Variants in PLXNA1 observed in about 807,000 individuals in gnomAD.
PLXNA1 encodes plexin A1.
Under a neutral mutation model 191.7 loss-of-function variants are expected in PLXNA1, and 77 were observed. That is an observed-to-expected ratio of 0.40 (90% CI 0.33 to 0.49). The LOEUF is 0.49. Among genes scored for constraint, PLXNA1 ranks in the 20% least tolerant of loss-of-function variants. The pLI, the probability that PLXNA1 is intolerant of heterozygous loss-of-function variation, is 0.63. For synonymous variants in PLXNA1, 1,137 were observed against 1,156.4 expected, an observed-to-expected ratio of 0.98 and a Z score of 0.34; for missense variants, 2,110 against 2,660.2, an observed-to-expected ratio of 0.79 and a Z score of 4.55.
At chr3:127,008,720 G>A (rs55896419) in intron 9 of PLXNA1, among the ~76,000 whole-genome samples, 5,125 of 152,200 alleles carry the variant, frequency 0.034, 292 homozygotes, top group African/African-American at 0.11. Context: ...GGCTGCAGCT[G>A]GGCTGCACTT....
intron 20 of PLXNA1, 22 bp from the exon 21 acceptor site, chr3:127,020,180 C>T (rs748750959): frequency 6.2e-7 from 1 of 1,610,678 alleles, no homozygotes; most frequent in African/African-American, 1.3e-5. Context: ...CATGCTGCCC[C>T]TGACGCCGCA....
intron 7 of PLXNA1, among the ~76,000 whole-genome samples, chr3:127,005,559 C>T (rs1217024204): frequency 6.6e-6 from 1 of 152,224 alleles, no homozygotes; most frequent in African/African-American, 2.4e-5. Flanking sequence ...ACCTCCGCTA[C>T]CATAATTATT....
intron 1 of PLXNA1, among the ~76,000 whole-genome samples, chr3:126,987,088 G>A (rs1225309094): frequency 6.6e-6 from 1 of 152,240 alleles, no homozygotes; most frequent in African/African-American, 2.4e-5. Flanking sequence ...CAACCAAGGG[G>A]GTGGCACTGC....
chr3:127,005,039 G>A lies in PLXNA1; in HGVS notation c.1743+31G>A, dbSNP rs370070914. ...TGTGGCACCCCAGGTGGTAAGGGGT[G>A]GGGGACAGCCATGGGGACCCTGCTC... On this transcript the variant is annotated intron_variant, in intron 6 of 31. Transcript: ENST00000393409. The A allele has an allele frequency of 4.3e-6, 7 of 1,609,454 alleles. No individual in the cohort carries two copies. The African/African-American group carries it at 8.0e-5, about 18-fold the overall frequency.
chr3:127,028,529 G>A (rs2079188590), intron 25 of PLXNA1, among the ~76,000 whole-genome samples, 189 bp downstream of exon 25: 1 of 152,176 alleles, frequency 6.6e-6, no homozygotes, highest in Admixed American at 6.5e-5. Context: ...CCTGCTCTGG[G>A]CAGAGACTCT....
chr3:126,983,938 A>G (rs2078944610), intron 1 of PLXNA1, among the ~76,000 whole-genome samples: 1 of 152,092 alleles, frequency 6.6e-6, no homozygotes. Flanking sequence ...CACCGCTCCC[A>G]CTGGCCCGGA....
rs748424966 is a variant in PLXNA1 at position 127,004,615 on chromosome 3, C to T, written c.1523C>T (p.Thr508Met). The T allele has an allele frequency of 8.3e-6, 13 of 1,567,972 alleles. No homozygotes were observed. The highest frequency in any genetic ancestry group is 2.3e-5 in the East Asian group (1 of 42,728). Reference sequence around the variant, plus strand: ...CTGACACCTCCCCCACACCAGGTGACGCGGGTGCCTGTGGAGAGCTGTGTG... The same window carrying T: ...CTGACACCTCCCCCACACCAGGTGATGCGGGTGCCTGTGGAGAGCTGTGTG... ...YLYAMTEKQV[T>M]RVPVESCVQY... The change falls in exon 5 of 32, where the codon ACG becomes ATG. Residue 508 changes from threonine to methionine, a missense_variant. Transcript: ENST00000393409.
chr3:127,013,398 A>G (rs2079105500), intron 10 of PLXNA1, among the ~76,000 whole-genome samples: 1 of 152,142 alleles, frequency 6.6e-6, no homozygotes, highest in South Asian at 2.1e-4. Context: ...CCCCTTGGAG[A>G]TGCTGGGCTC....
Position 127,014,063 on chromosome 3 carries a change from T to C in PLXNA1, c.2357T>C (p.Leu786Pro). The C allele has an allele frequency of 6.2e-7, 1 of 1,614,010 alleles. No homozygotes were observed. Among genetic ancestry groups the C allele is most frequent in the Non-Finnish European group, 8.5e-7 (1 of 1,179,996 alleles). The change falls in exon 11 of 32, where the codon CTG becomes CCG. Residue 786 changes from leucine (L) to proline (P), a missense_variant. Physicochemically the swap from Leu to Pro is moderately conservative, Grantham distance 98. Transcript: ENST00000393409. ...GNDVSDLPVN[L>P]SVVWNGNFVI... is the part of the protein sequence containing the mutation. ...GATGTCAGCGACCTGCCAGTGAACC[T>C]GTCAGTCGTGTGGAACGGCAACTTT... is the stretch of plus-strand genomic sequence containing the variant.
Position 127,037,080 on chromosome 3 carries a change from T to G in PLXNA1, c.*3063T>G, listed in dbSNP as rs1344093817. 1 of 152,530 alleles carries G rather than the reference T, an allele frequency of 6.6e-6. No homozygotes were observed. Among genetic ancestry groups the G allele is most frequent in the African/African-American group, 2.4e-5 (1 of 41,472 alleles). The allele number at this position is 152,530 out of a possible 1,614,324, so 9.4% of individuals were successfully genotyped here. A position where few individuals can be genotyped will look rare whatever the true frequency, so the allele number is the denominator to read the frequency against. On this transcript the variant is annotated 3_prime_UTR_variant, in exon 32 of 32. Coordinates refer to ENST00000393409, the MANE Select transcript of PLXNA1 (RefSeq NM_032242.4). ...CCTCCGCCCTGGCTTTCTCCCTGTC[T>G]GGATTCAGTGGCTCACGTTGGTGCT...
At chr3:126,994,596 A>T (rs1339062802) in intron 3 of PLXNA1, among the ~76,000 whole-genome samples, 1 of 152,124 alleles carries the variant, frequency 6.6e-6, no homozygotes, top group Admixed American at 6.5e-5. Context: ...CTCCAGTGCG[A>T]GGCCTCTGGC....
chr3:127,001,194 C>T lies in PLXNA1; in HGVS notation c.1378-2136C>T, dbSNP rs2079038387. ...TCACCCACCGTTCCTTTCCTTGGAG[C>T]TGGTGTGCCCCCTGGACCTGCCCTT... On this transcript the variant is annotated intron_variant, in intron 3 of 31. Coordinates refer to ENST00000393409, the MANE Select transcript of PLXNA1 (RefSeq NM_032242.4). Among the ~76,000 whole-genome samples the T allele has an allele frequency of 3.3e-5, 5 of 152,300 alleles. No individual in the cohort carries two copies. In the South Asian group the frequency reaches 8.3e-4, roughly 25 times the overall value.
At chr3:126,991,600 C>T in intron 3 of PLXNA1, 34 bp downstream of exon 3, 1 of 1,504,612 alleles carries the variant, frequency 6.6e-7, no homozygotes, top group Non-Finnish European at 9.0e-7. Flanking sequence ...GAGGAGGGGG[C>T]TTGGGGCAGG....
In PLXNA1 at chr3:127,012,233, C is replaced by T. The variant is rs1248449284; in HGVS notation, c.2313+75C>T. On this transcript the variant is annotated intron_variant, in intron 10 of 31. Coordinates refer to ENST00000393409, the MANE Select transcript of PLXNA1 (RefSeq NM_032242.4). Reference sequence around the variant, plus strand: ...TTATCCTCACGGCCCTGGGTCCTGGCGTGTGCTTGTTCATAAAGGGCAGTG... The same window carrying T: ...TTATCCTCACGGCCCTGGGTCCTGGTGTGTGCTTGTTCATAAAGGGCAGTG... 4.8e-6 allele frequency: 7 copies of T among 1,470,884 alleles called. No individual in the cohort carries two copies. In the African/African-American group the frequency reaches 7.0e-5, roughly 15 times the overall value. 91.1% of individuals were successfully genotyped at this position (1,470,884 alleles called of 1,614,324 possible).
intron 23 of PLXNA1, among the ~76,000 whole-genome samples, chr3:127,024,912 G>A (rs1328072881): frequency 6.6e-6 from 1 of 152,142 alleles, no homozygotes; most frequent in Non-Finnish European, 1.5e-5. Context: ...TAAGATAGAT[G>A]TTATTGTTTA....
chr3:127,018,390 G>A lies in PLXNA1; in HGVS notation c.3757G>A (p.Gly1253Arg), dbSNP rs1185515766. 1 of 1,613,056 alleles carries A rather than the reference G, an allele frequency of 6.2e-7. No individual in the cohort carries two copies. The highest frequency in any genetic ancestry group is 8.5e-7 in the Non-Finnish European group (1 of 1,180,004). ...LPAIVGIGGG[G>R]GLLLLVIVAV... Reference sequence around the variant, plus strand: ...TGCCATTGTGGGCATTGGCGGAGGCGGGGGTCTCCTGCTGCTGGTCATCGT... The same window carrying A: ...TGCCATTGTGGGCATTGGCGGAGGCAGGGGTCTCCTGCTGCTGGTCATCGT... The change falls in exon 20 of 32, where the codon GGG becomes AGG. Residue 1253 changes from glycine (G) to arginine (R), a missense_variant. Physicochemically the swap from Gly to Arg is moderately radical, Grantham distance 125 (BLOSUM62 -2). Around this residue, in one of 4 missense-constraint regions of PLXNA1, gnomAD observed 559 missense variants for 911.5 expected, o/e 0.61. Coordinates refer to ENST00000393409, the MANE Select transcript of PLXNA1 (RefSeq NM_032242.4).
At chr3:127,008,403 G>T (rs1376238592) in intron 9 of PLXNA1, among the ~76,000 whole-genome samples, 1 of 152,170 alleles carries the variant, frequency 6.6e-6, no homozygotes, top group African/African-American at 2.4e-5. Flanking sequence ...GTCACCAGGC[G>T]CTGAGTGGTA....
At chr3:127,021,705 T>C (rs1473524363) in intron 21 of PLXNA1, among the ~76,000 whole-genome samples, 2 of 152,186 alleles carry the variant, frequency 1.3e-5, no homozygotes, top group African/African-American at 4.8e-5. Flanking sequence ...CTGCAGGGGT[T>C]GCTGTTCAAA....
Position 126,989,255 on chromosome 3 carries a change from A to G in PLXNA1, c.662A>G (p.Gln221Arg). Residue 221 changes from glutamine (Q) to arginine (R), a missense_variant, in exon 2 of 32, where the codon CAG becomes CGG. Around this residue, in one of 4 missense-constraint regions of PLXNA1, gnomAD observed 903 missense variants for 1,015.7 expected, o/e 0.89. Transcript: ENST00000393409. ...GCCGACATGTTCGGCTTCGTGTACCAGGATGAGTTTGTGTCATCACAGCTC... is the reference window on the plus strand; with the variant it reads ...GCCGACATGTTCGGCTTCGTGTACCGGGATGAGTTTGTGTCATCACAGCTC... ...EDADMFGFVY[Q>R]DEFVSSQLKI... 2 of 1,613,674 alleles carry G rather than the reference A, an allele frequency of 1.2e-6. No homozygotes were observed. Among genetic ancestry groups the G allele is most frequent in the South Asian group, 1.1e-5 (1 of 91,086 alleles).
Sources: gnomAD v4.1 joint callset for allele counts (sites outside exome capture counted in the v4.1 genomes callset) on GRCh38, gnomAD v4.1.1 for gene constraint, gnomAD v4.1.1 regional missense constraint, MANE v1.5 for transcripts, NCBI Gene and HGNC (gene_info 2026-07-23, HGNC 2026-07-21) for gene names.